The following CSMD1 variants were observed in gnomAD, a reference collection of about 807,000 sequenced individuals.
CSMD1 encodes the protein CUB and Sushi multiple domains 1.
A neutral mutation model predicts 417.5 loss-of-function variants in CSMD1; 213 were observed. That is an observed-to-expected ratio of 0.51 (90% CI 0.46 to 0.57). The LOEUF (loss-of-function observed/expected upper bound fraction) is 0.57. Among genes scored for constraint, CSMD1 ranks in the 20% least tolerant of loss-of-function variants. The pLI, the probability that CSMD1 is intolerant of heterozygous loss-of-function variation, is 0.00. For synonymous variants in CSMD1, 2,862 were observed against 1,736.8 expected (o/e 1.65, Z -16.11); for missense variants, 6,923 against 4,529.7 (o/e 1.53, Z -15.17).
intron 52 of CSMD1, among the ~76,000 whole-genome samples, chr8:3,006,454 C>T (rs1310068561): frequency 6.6e-6 from 1 of 151,868 alleles, no homozygotes; most frequent in African/African-American, 2.4e-5. Context: ...AAAAAGAGCC[C>T]GAATCACCAA....
chr8:4,905,161 A>T (rs1466573053), intron 1 of CSMD1, among the ~76,000 whole-genome samples: 1 of 152,106 alleles, frequency 6.6e-6, no homozygotes, highest in Non-Finnish European at 1.5e-5. Flanking sequence ...TGGGAGTACT[A>T]TTCGAACACA....
intron 18 of CSMD1, chr8:3,373,215 G>A (rs931586610): frequency 1.3e-5 from 2 of 152,054 alleles, no homozygotes; most frequent in Non-Finnish European, 2.9e-5. Context: ...CATATCATCA[G>A]GAAAAGTTAC....
chr8:3,805,105 G>C (rs1270190917), intron 5 of CSMD1, among the ~76,000 whole-genome samples: 2 of 152,116 alleles, frequency 1.3e-5, no homozygotes, highest in African/African-American at 4.8e-5. Context: ...CCACTGTTAT[G>C]AATGGGAAGG....
intron 18 of CSMD1, among the ~76,000 whole-genome samples, chr8:3,375,672 T>G (rs1585073196): frequency 6.6e-6 from 1 of 152,250 alleles, no homozygotes; most frequent in East Asian, 1.9e-4. Context: ...ATTGGGGCAG[T>G]CCAGCTGCAT....
At chr8:3,460,421 G>A (rs1341697650) in intron 12 of CSMD1, among the ~76,000 whole-genome samples, 5 of 152,170 alleles carry the variant, frequency 3.3e-5, no homozygotes, top group African/African-American at 1.2e-4. Context: ...ACCCTGGGAA[G>A]GCTCCAACCA....
At chr8:3,794,190 G>C (rs1240420885) in intron 5 of CSMD1, among the ~76,000 whole-genome samples, 2 of 152,182 alleles carry the variant, frequency 1.3e-5, no homozygotes, top group East Asian at 1.9e-4. Context: ...AGCTTGAGAA[G>C]CACTGGTTTA....
intron 5 of CSMD1, among the ~76,000 whole-genome samples, chr8:3,833,260 T>C (rs1359531408): frequency 1.1e-4 from 17 of 152,266 alleles, no homozygotes; most frequent in African/African-American, 4.1e-4. Context: ...TGATAATATC[T>C]GCATTTTGTC....
intron 2 of CSMD1, among the ~76,000 whole-genome samples, chr8:4,436,626 T>C (rs1798164361): frequency 6.6e-6 from 1 of 152,164 alleles, no homozygotes; most frequent in Admixed American, 6.5e-5. Context: ...TATTCCTTCT[T>C]CTATTTTTTT....
At chr8:3,838,970 TA>T (rs1412067976) in intron 5 of CSMD1, among the ~76,000 whole-genome samples, 1 of 98,688 alleles carries the variant, frequency 1.0e-5, no homozygotes, top group Non-Finnish European at 1.8e-5. Flanking sequence ...ATTAATATTA[TA>T]TATAATATAT....
Position 3,205,513 on chromosome 8 carries a change from T to G in CSMD1, c.4975A>C (p.Lys1659Gln). 1.3e-6 allele frequency: 2 copies of G among 1,530,844 alleles called. No individual in the cohort carries two copies. The highest frequency in any genetic ancestry group is 1.8e-6 in the Non-Finnish European group (2 of 1,115,174). The allele number at this position is 1,530,844 out of a possible 1,614,324, so 94.8% of individuals were successfully genotyped here. A position where few individuals can be genotyped will look rare whatever the true frequency, so the allele number is the denominator to read the frequency against. Reference sequence around the variant, plus strand: ...ACAAGGACATCCTTACCGAATTCCTTTGGTACCGTGATGGAATAGAGGCAT... The same window carrying G: ...ACAAGGACATCCTTACCGAATTCCTGTGGTACCGTGATGGAATAGAGGCAT... ...QICLYSITVP[K>Q]EFVVFGQFAY... The change falls in exon 31 of 70, where the codon AAG becomes CAG. Residue 1659 changes from lysine (K) to glutamine (Q), a missense_variant. Physicochemically the swap from Lys to Gln is moderately conservative, Grantham distance 53. Transcript: ENST00000635120.
At chr8:4,341,225 C>T (rs999731292) in intron 3 of CSMD1, among the ~76,000 whole-genome samples, 19 of 152,112 alleles carry the variant, frequency 1.2e-4, no homozygotes, top group African/African-American at 4.1e-4. Context: ...ATGGTACTAG[C>T]AATTACATAA....
intron 10 of CSMD1, among the ~76,000 whole-genome samples, chr8:3,511,309 C>T (rs1348231276): frequency 6.6e-6 from 1 of 151,530 alleles, no homozygotes; most frequent in Non-Finnish European, 1.5e-5. Context: ...CAGCAAACCA[C>T]AATGGCATGT....
At chr8:4,755,517 C>T (rs972078131) in intron 1 of CSMD1, among the ~76,000 whole-genome samples, 1 of 152,086 alleles carries the variant, frequency 6.6e-6, no homozygotes, top group South Asian at 2.1e-4. Flanking sequence ...ATGTTTCCTG[C>T]TTTCAACTCT....
intron 32 of CSMD1, among the ~76,000 whole-genome samples, chr8:3,200,246 T>C (rs1374748338): frequency 6.6e-6 from 1 of 152,132 alleles, no homozygotes. Context: ...TTCTGAAGTA[T>C]ATTTTTAACC....
chr8:4,737,073 T>G (rs1810291384), intron 1 of CSMD1, among the ~76,000 whole-genome samples: 1 of 152,140 alleles, frequency 6.6e-6, no homozygotes, highest in African/African-American at 2.4e-5. Context: ...AGAAAAGACA[T>G]GTAATCAACC....
At chr8:4,564,330 T>G (rs946328650) in intron 2 of CSMD1, among the ~76,000 whole-genome samples, 3 of 152,214 alleles carry the variant, frequency 2.0e-5, no homozygotes, top group Non-Finnish European at 4.4e-5. Context: ...TATTTTATTT[T>G]GTCTGTCTAG....
intron 1 of CSMD1, among the ~76,000 whole-genome samples, chr8:4,901,912 G>T (rs113393017): frequency 2.6e-5 from 4 of 152,030 alleles, no homozygotes; most frequent in South Asian, 4.1e-4. Flanking sequence ...CCCTAAATAC[G>T]TTAAAAAGAT....
intron 3 of CSMD1, among the ~76,000 whole-genome samples, chr8:4,044,420 G>C (rs368152124): frequency 7.2e-5 from 11 of 152,032 alleles, no homozygotes; most frequent in Non-Finnish European, 1.3e-4. Context: ...GTCATTCCAA[G>C]CTCTAAAATT....
At chr8:3,407,062 G>C (rs1812386644) in intron 14 of CSMD1, among the ~76,000 whole-genome samples, 2 of 152,090 alleles carry the variant, frequency 1.3e-5, no homozygotes, top group Admixed American at 1.3e-4. Flanking sequence ...TGGCTGGCTG[G>C]ATGAATGGAG....
Sources: gnomAD v4.1 joint callset for allele counts (sites outside exome capture counted in the v4.1 genomes callset) on GRCh38, gnomAD v4.1.1 for gene constraint, MANE v1.5 for transcripts, NCBI Gene and HGNC (gene_info 2026-07-23, HGNC 2026-07-21) for gene names.